The following RANBP17 variants were observed in gnomAD, a reference collection of about 807,000 sequenced individuals.
RANBP17 encodes the protein ran-binding protein 17.
A neutral mutation model predicts 141.2 loss-of-function variants in RANBP17; 158 were observed. That is an observed-to-expected ratio of 1.12 (90% CI 0.98 to 1.28). The LOEUF (loss-of-function observed/expected upper bound fraction) is 1.28. Ranked by LOEUF, RANBP17 falls within the 50% of genes most tolerant of loss-of-function variation. The pLI is 0.00. For synonymous variants in RANBP17, 430 were observed against 450.0 expected (o/e 0.96, Z 0.56); for missense variants, 1,438 against 1,290.7 (o/e 1.11, Z -1.75).
intron 5 of RANBP17, 50 bp downstream of exon 5, chr5:170,896,165 C>A: frequency 2.3e-6 from 3 of 1,278,372 alleles, no homozygotes; most frequent in Non-Finnish European, 3.3e-6. Context: ...TTAAGTAATG[C>A]TGTTTCTTTT....
At chr5:171,021,959 A>G (rs10475971) in intron 14 of RANBP17, among the ~76,000 whole-genome samples, 92,605 of 151,452 alleles carry the variant, frequency 0.61, 29,612 homozygotes, top group South Asian at 0.88. Flanking sequence ...TTTTCTGTGG[A>G]CTTTTTTGTT....
chr5:171,020,812 A>G (rs1581417938), intron 14 of RANBP17, among the ~76,000 whole-genome samples: 1 of 152,218 alleles, frequency 6.6e-6, no homozygotes, highest in East Asian at 1.9e-4. Context: ...TGATCCTGTC[A>G]TAATAATCCT....
intron 25 of RANBP17, among the ~76,000 whole-genome samples, chr5:171,277,665 A>ATATATATATATATATATATATT (rs1561823588): frequency 7.4e-6 from 1 of 135,154 alleles, no homozygotes; most frequent in African/African-American, 2.8e-5. Flanking sequence ...ATATATATAT[A>ATATATATATATATATATATATT]TATTTATGTC....
intron 14 of RANBP17, among the ~76,000 whole-genome samples, chr5:171,093,710 A>G (rs1329849285): frequency 6.6e-6 from 1 of 152,208 alleles, no homozygotes; most frequent in Non-Finnish European, 1.5e-5. Flanking sequence ...CAGATTAAGT[A>G]TGTATGTATC....
intron 5 of RANBP17, among the ~76,000 whole-genome samples, chr5:170,905,635 AC>A (rs1771016764): frequency 6.6e-6 from 1 of 152,114 alleles, no homozygotes; most frequent in Non-Finnish European, 1.5e-5. Flanking sequence ...TGTTAATAAT[AC>A]TGTGTCAGCA....
chr5:171,295,157 A>C (rs1453028936), intron 26 of RANBP17, among the ~76,000 whole-genome samples: 1 of 152,178 alleles, frequency 6.6e-6, no homozygotes, highest in Non-Finnish European at 1.5e-5. Context: ...CATGACTGGC[A>C]AAATGTTGTC....
At chr5:171,290,519 CA>C (rs1430549637) in intron 25 of RANBP17, among the ~76,000 whole-genome samples, 1 of 152,202 alleles carries the variant, frequency 6.6e-6, no homozygotes, top group Non-Finnish European at 1.5e-5. Context: ...ACAGATCACA[CA>C]ACATTGCTTT....
At chr5:171,226,556 T>C (rs532640759) in intron 22 of RANBP17, among the ~76,000 whole-genome samples, 49 of 152,294 alleles carry the variant, frequency 3.2e-4, no homozygotes, top group African/African-American at 1.1e-3. Context: ...ATTTGTAAAG[T>C]GTTATACAAG....
intron 25 of RANBP17, among the ~76,000 whole-genome samples, chr5:171,290,961 C>T (rs540283256): frequency 2.6e-5 from 4 of 152,316 alleles, no homozygotes; most frequent in South Asian, 4.1e-4. Flanking sequence ...CTGTTATTGT[C>T]CTCCATTTTA....
intron 6 of RANBP17, 131 bp from the exon 7 acceptor site, chr5:170,910,838 A>G (rs1771464964): frequency 2.3e-6 from 2 of 852,162 alleles, no homozygotes; most frequent in Non-Finnish European, 3.6e-6. Context: ...ACTTCCTTAT[A>G]TATGGAACAG....
Position 170,986,189 on chromosome 5 carries a change from G to A in RANBP17, c.1710+17812G>A, listed in dbSNP as rs981547823. Among the ~76,000 whole-genome samples, 3 of 152,040 alleles carry A rather than the reference G, an allele frequency of 2.0e-5. No individual in the cohort carries two copies. In the East Asian group the frequency reaches 5.8e-4, roughly 29 times the overall value. On this transcript the variant is annotated intron_variant, in intron 14 of 27. Transcript: ENST00000523189. Reference sequence around the variant, plus strand: ...TGATCTCCTTGCATATAAACCACAAGTTTCTAAAGAGGATAATATAGTAAT... The same window carrying A: ...TGATCTCCTTGCATATAAACCACAAATTTCTAAAGAGGATAATATAGTAAT...
intron 14 of RANBP17, among the ~76,000 whole-genome samples, chr5:171,121,528 C>T (rs1756033392): frequency 6.6e-6 from 1 of 152,196 alleles, no homozygotes; most frequent in South Asian, 2.1e-4. Flanking sequence ...GTTCTGCTGG[C>T]CCAGTAGCAT....
Position 170,953,582 on chromosome 5 carries a change from C to T in RANBP17, c.1469-15C>T, listed in dbSNP as rs1303777052. On this transcript the variant is annotated splice_polypyrimidine_tract_variant and intron_variant, in intron 12 of 27. Transcript: ENST00000523189. Reference sequence around the variant, plus strand: ...GAATACTTACTAAACTTTTTTCTTCCTTATTCTATATTAGGACGTCTTGCA... The same window carrying T: ...GAATACTTACTAAACTTTTTTCTTCTTTATTCTATATTAGGACGTCTTGCA... The T allele has an allele frequency of 3.9e-6, 6 of 1,555,144 alleles. No homozygotes were observed. The highest frequency in any genetic ancestry group is 1.9e-5 in the Admixed American group (1 of 52,040).
chr5:171,158,723 T>G (rs1759080817), intron 14 of RANBP17, among the ~76,000 whole-genome samples: 2 of 152,130 alleles, frequency 1.3e-5, no homozygotes, highest in South Asian at 4.1e-4. Flanking sequence ...CCCACTTTTC[T>G]GACTCATTAG....
intron 8 of RANBP17, among the ~76,000 whole-genome samples, chr5:170,915,984 G>A (rs1414673024): frequency 6.6e-6 from 1 of 152,054 alleles, no homozygotes; most frequent in Non-Finnish European, 1.5e-5. Flanking sequence ...TTTTTATGAT[G>A]GGGTAGAAGG....
chr5:171,214,578 T>C (rs889247740), intron 21 of RANBP17, among the ~76,000 whole-genome samples: 2 of 152,166 alleles, frequency 1.3e-5, no homozygotes, highest in African/African-American at 4.8e-5. Flanking sequence ...TCTCTGGTGC[T>C]GAGTTTTTCA....
At chr5:171,249,744 A>G (rs577151112) in intron 24 of RANBP17, among the ~76,000 whole-genome samples, 1 of 152,290 alleles carries the variant, frequency 6.6e-6, no homozygotes, top group African/African-American at 2.4e-5. Context: ...AAAAGAATGA[A>G]CCAAGCCTTC....
chr5:170,907,765 T>C (rs879702397), intron 5 of RANBP17, among the ~76,000 whole-genome samples: 4 of 152,030 alleles, frequency 2.6e-5, no homozygotes, highest in Non-Finnish European at 5.9e-5. Flanking sequence ...ATTATAATGC[T>C]GTTTGCTTTT....
intron 22 of RANBP17, among the ~76,000 whole-genome samples, chr5:171,226,900 T>C (rs879715808): frequency 6.6e-6 from 1 of 152,216 alleles, no homozygotes; most frequent in Non-Finnish European, 1.5e-5. Context: ...AAATTGAAGG[T>C]TTGGAGCAAC....
Sources: allele counts gnomAD v4.1 joint callset (sites outside exome capture counted in the v4.1 genomes callset), GRCh38; gene constraint gnomAD v4.1.1; transcripts MANE v1.5; gene names NCBI Gene and HGNC (gene_info 2026-07-23, HGNC 2026-07-21).